NT5C3A: variants seen among roughly 807,000 people sequenced by gnomAD.
The protein encoded by NT5C3A is 5'-nucleotidase, cytosolic IIIA.
Under a neutral mutation model 40.0 loss-of-function variants are expected in NT5C3A, and 23 were observed. The observed-to-expected ratio is 0.58, with a 90% confidence interval of 0.41 to 0.81. The LOEUF (loss-of-function observed/expected upper bound fraction) is 0.81, where lower values mean the gene tolerates loss of function less well. NT5C3A is among the 40% of genes least tolerant of loss of function. The pLI is 0.00. For synonymous variants in NT5C3A, 130 were observed against 141.4 expected (o/e 0.92, Z 0.57); for missense variants, 328 against 403.0 (o/e 0.81, Z 1.59).
chr7:33,050,976 G>GA (rs1787340870), intron 1 of NT5C3A, among the ~76,000 whole-genome samples: 1 of 151,138 alleles, frequency 6.6e-6, no homozygotes, highest in Non-Finnish European at 1.5e-5. Flanking sequence ...TTTAAGGAGA[G>GA]AAAAAAAACC....
Position 33,039,869 on chromosome 7 carries a change from C to A in NT5C3A, c.139-12954G>T, listed in dbSNP as rs560533323. On this transcript the variant is annotated intron_variant, in intron 1 of 8. Transcript: ENST00000610140. ...TTATTTAAAAATGGGCAATTTTAAC[C>A]AATTTTCCCAAATGGTAAAGCAGCT... Among the ~76,000 whole-genome samples, 259 of 152,108 alleles carry A rather than the reference C, an allele frequency of 1.7e-3. 1 individual carries two copies. Among genetic ancestry groups the A allele is most frequent in the African/African-American group, 6.0e-3 (249 of 41,496 alleles).
At chr7:33,024,567 G>C (rs1043324148) in intron 2 of NT5C3A, among the ~76,000 whole-genome samples, 6 of 152,278 alleles carry the variant, frequency 3.9e-5, no homozygotes, top group Middle Eastern at 3.4e-3. Flanking sequence ...GGGAGGGTTG[G>C]TGAGATAAAG....
intron 2 of NT5C3A, 40 bp from the exon 3 acceptor site, chr7:33,024,148 C>T (rs1372705316): frequency 8.6e-7 from 1 of 1,162,386 alleles, no homozygotes; most frequent in Non-Finnish European, 1.3e-6. Context: ...TAAACATAGC[C>T]CACATGGCCA....
At chr7:33,026,493 T>A (rs1024810122) in intron 2 of NT5C3A, among the ~76,000 whole-genome samples, 1 of 150,996 alleles carries the variant, frequency 6.6e-6, no homozygotes, top group Non-Finnish European at 1.5e-5. Flanking sequence ...TAGCTGGGAT[T>A]ACAGGCATGC....
intron 5 of NT5C3A, among the ~76,000 whole-genome samples, chr7:33,020,669 A>C (rs1785574855): frequency 6.6e-6 from 1 of 152,216 alleles, no homozygotes; most frequent in Admixed American, 6.5e-5. Flanking sequence ...TCCTTCTCAA[A>C]TCAAAGCATT....
At chr7:33,024,891 G>T (rs1785834797) in intron 2 of NT5C3A, among the ~76,000 whole-genome samples, 1 of 152,122 alleles carries the variant, frequency 6.6e-6, no homozygotes, top group African/African-American at 2.4e-5. Flanking sequence ...TGGAATCCCA[G>T]CACTTTGGGA....
chr7:33,024,558 G>A (rs1045755723), intron 2 of NT5C3A, among the ~76,000 whole-genome samples: 1 of 152,124 alleles, frequency 6.6e-6, no homozygotes, highest in African/African-American at 2.4e-5. Flanking sequence ...GGGAAGGGTG[G>A]GAGGGTTGGT....
intron 1 of NT5C3A, among the ~76,000 whole-genome samples, chr7:33,031,942 T>G (rs1408388019): frequency 6.6e-6 from 1 of 151,966 alleles, no homozygotes; most frequent in East Asian, 1.9e-4. Flanking sequence ...CTGGCCAACA[T>G]AGTGAAACCC....
chr7:33,021,910 ATTTACTGAGTGC>A (rs950082230), intron 4 of NT5C3A, 131 bp downstream of exon 4: 1 of 648,270 alleles, frequency 1.5e-6, no homozygotes, highest in African/African-American at 1.8e-5. Flanking sequence ...CAAACCTACT[ATTTACTGAGTGC>A]TTACTATGTG....
chr7:33,017,293 A>C, intron 7 of NT5C3A, 146 bp downstream of exon 7: 2 of 630,108 alleles, frequency 3.2e-6, no homozygotes, highest in Non-Finnish European at 5.6e-6. Context: ...ATATATTAAC[A>C]CTGAGAAGGA....
intron 1 of NT5C3A, chr7:33,036,454 G>T: frequency 1.7e-5 from 3 of 172,164 alleles, no homozygotes; most frequent in Admixed American, 1.1e-4. Context: ...GACACATAAA[G>T]CATCTTTTTT....
rs1018589666 is a variant in NT5C3A, at chr7:33,026,983, C to A, written c.139-68G>T. ...TTCCCCAGGTTCCTTTGATACCAAGCAGAAACCTGTCTTATTTAAAGACAT... is the reference window on the plus strand; with the variant it reads ...TTCCCCAGGTTCCTTTGATACCAAGAAGAAACCTGTCTTATTTAAAGACAT... On this transcript the variant is annotated intron_variant, in intron 1 of 8. Coordinates refer to ENST00000610140, the MANE Select transcript of NT5C3A (RefSeq NM_001002010.5). 13 of 992,284 alleles carry A rather than the reference C, an allele frequency of 1.3e-5. No homozygotes were observed. The African/African-American group carries it at 2.1e-4, about 16-fold the overall frequency. 61.5% of individuals were successfully genotyped at this position (992,284 alleles called of 1,614,324 possible). A position where few individuals can be genotyped will look rare whatever the true frequency, so the allele number is the denominator to read the frequency against.
At chr7:33,019,754 T>A in intron 5 of NT5C3A, 30 bp from the exon 6 acceptor site, 1 of 1,179,390 alleles carries the variant, frequency 8.5e-7, no homozygotes, top group Non-Finnish European at 1.3e-6. Context: ...GAAAAAAGAC[T>A]ATCAATTAAG....
chr7:33,058,699 CA>C (rs2128021066), intron 1 of NT5C3A, among the ~76,000 whole-genome samples: 1 of 152,328 alleles, frequency 6.6e-6, no homozygotes, highest in East Asian at 1.9e-4. Context: ...GTATTCCCCT[CA>C]AAAGGCATCT....
At chr7:33,024,006 T>A (rs1317125452) in intron 3 of NT5C3A, 33 bp downstream of exon 3, 1 of 1,228,430 alleles carries the variant, frequency 8.1e-7, no homozygotes, top group South Asian at 1.2e-5. Context: ...GATGACATGC[T>A]TTTGTGAATT....
intron 1 of NT5C3A, 183 bp from the exon 2 acceptor site, chr7:33,027,098 C>T: frequency 2.0e-6 from 1 of 506,000 alleles, no homozygotes; most frequent in Non-Finnish European, 3.5e-6. Flanking sequence ...GAGATGAGGT[C>T]TTGTTTTGTC....
intron 1 of NT5C3A, chr7:33,040,766 A>T (rs1786874719): frequency 2.5e-6 from 1 of 393,360 alleles, no homozygotes; most frequent in Middle Eastern, 1.3e-3. Flanking sequence ...TTATTTCCTA[A>T]GTTTGTATTT....
rs1167719317 is a variant in NT5C3A at position 33,025,464 on chromosome 7, A to AT, written c.237+1352dup. ...TCAGAAATGTTTTAAAAAAGGAATA[A>AT]TTTTTTTTTTTACAGAATATCCAGA... On this transcript the variant is annotated intron_variant, in intron 2 of 8. Coordinates refer to ENST00000610140, the MANE Select transcript of NT5C3A (RefSeq NM_001002010.5). Among the ~76,000 whole-genome samples the AT allele has an allele frequency of 2.4e-3, 358 of 149,170 alleles. 1 individual carries two copies. The highest frequency in any genetic ancestry group is 4.4e-3 in the Admixed American group (66 of 14,984).
chr7:33,045,156 TAGA>T (rs1787094414), intron 1 of NT5C3A, among the ~76,000 whole-genome samples: 1 of 152,210 alleles, frequency 6.6e-6, no homozygotes, highest in African/African-American at 2.4e-5. Flanking sequence ...GACAATTTAG[TAGA>T]AGATGAGATG....
Sources: allele counts gnomAD v4.1 joint callset (sites outside exome capture counted in the v4.1 genomes callset), GRCh38; gene constraint gnomAD v4.1.1; transcripts MANE v1.5; gene names NCBI Gene and HGNC (gene_info 2026-07-23, HGNC 2026-07-21).